The following ANO10 variants were observed in gnomAD, a reference collection of about 807,000 sequenced individuals.
The protein encoded by ANO10 is anoctamin-10.
In ANO10, 77 loss-of-function variants were observed where a neutral mutation model predicts 74.7. The observed-to-expected ratio is 1.03, with a 90% CI of 0.86 to 1.25. The LOEUF is 1.25. Ranked by LOEUF, ANO10 falls within the 50% of genes most tolerant of loss-of-function variation. The probability of loss-of-function intolerance (pLI) is 0.00; values close to 1 mark genes in which losing one functional copy is unlikely to be tolerated. For missense variants in ANO10, 721 were observed against 778.1 expected, an observed-to-expected ratio of 0.93 and a Z score of 0.87; for synonymous variants, 279 against 284.9, an observed-to-expected ratio of 0.98 and a Z score of 0.21.
At chr3:43,465,835 T>C (rs2149039245) in intron 11 of ANO10, among the ~76,000 whole-genome samples, 1 of 152,232 alleles carries the variant, frequency 6.6e-6, no homozygotes, top group South Asian at 2.1e-4. Context: ...TGTGAAAAAT[T>C]AAAGAGGACC....
At chr3:43,602,155 C>A (rs996899253) in intron 2 of ANO10, among the ~76,000 whole-genome samples, 3 of 152,164 alleles carry the variant, frequency 2.0e-5, no homozygotes, top group Admixed American at 6.5e-5. Flanking sequence ...AGTCTGAAGG[C>A]TCTCTAGACC....
rs116839096 is a variant in ANO10, at chr3:43,399,691, T to C, written c.1915-32717A>G. ...TACGTAGACTGCATATAACAGTCAA[T>C]GTTTGTATTTAGGGCATATGAGCAA... On this transcript the variant is annotated intron_variant, in intron 12 of 12. Coordinates refer to ENST00000292246, the MANE Select transcript of ANO10 (RefSeq NM_018075.5). Among the ~76,000 whole-genome samples, 669 of 152,246 alleles carry C rather than the reference T, an allele frequency of 4.4e-3. 4 individuals carry two copies. Among genetic ancestry groups the C allele is most frequent in the African/African-American group, 0.016 (647 of 41,560 alleles).
At chr3:43,498,962 G>A (rs2077006558) in intron 11 of ANO10, among the ~76,000 whole-genome samples, 1 of 152,174 alleles carries the variant, frequency 6.6e-6, no homozygotes, top group African/African-American at 2.4e-5. Context: ...TGGTGCTTGG[G>A]CACTGGGGGT....
At chr3:43,656,805 C>T (rs867078543) in intron 1 of ANO10, among the ~76,000 whole-genome samples, 1 of 152,250 alleles carries the variant, frequency 6.6e-6, no homozygotes, top group Non-Finnish European at 1.5e-5. Flanking sequence ...GCTCGCGCCT[C>T]TCCCTCCACA....
chr3:43,576,905 C>T lies in ANO10; in HGVS notation c.949G>A (p.Val317Ile), dbSNP rs2081028201. The change falls in exon 6 of 13, where the codon GTC becomes ATC. Residue 317 changes from valine (V) to isoleucine (I), a missense_variant. Val to Ile is a conservative substitution (Grantham distance 29). Transcript: ENST00000292246. ...CAGAGGCACACGAATGGCAGGGAGA[C>T]CAGGTAAATGCGCAACTGTCTCTTG... The part of the protein sequence containing the change: ...SYKRQLRIYL[V>I]SLPFVCLCLY... The T allele has an allele frequency of 1.9e-6, 3 of 1,614,066 alleles. No homozygotes were observed. The highest frequency in any genetic ancestry group is 2.5e-6 in the Non-Finnish European group (3 of 1,180,002).
chr3:43,388,833 T>C (rs749515342), intron 12 of ANO10, among the ~76,000 whole-genome samples: 2 of 152,218 alleles, frequency 1.3e-5, no homozygotes, highest in African/African-American at 2.4e-5. Context: ...GTAAAACACA[T>C]TTCACAAAAT....
intron 12 of ANO10, among the ~76,000 whole-genome samples, chr3:43,382,506 G>A (rs1403987703): frequency 1.4e-4 from 21 of 145,016 alleles, no homozygotes; most frequent in African/African-American, 4.5e-4. Context: ...GCGACAGAGC[G>A]AGACTCCGTC....
chr3:43,606,669 AGAAAAC>A (rs1455876416), intron 1 of ANO10, among the ~76,000 whole-genome samples: 1 of 152,108 alleles, frequency 6.6e-6, no homozygotes, highest in Non-Finnish European at 1.5e-5. Context: ...AGACAGAAAA[AGAAAAC>A]TGTTAGTGGG....
intron 12 of ANO10, among the ~76,000 whole-genome samples, chr3:43,400,898 G>C (rs1300280591): frequency 1.3e-5 from 2 of 152,210 alleles, no homozygotes; most frequent in East Asian, 3.9e-4. Context: ...ATAAGCCACA[G>C]GTCAAGTAGG....
chr3:43,438,292 A>C (rs2093104265), intron 11 of ANO10, among the ~76,000 whole-genome samples: 1 of 152,036 alleles, frequency 6.6e-6, no homozygotes, highest in Non-Finnish European at 1.5e-5. Context: ...AAAAATAAAA[A>C]ACTTAGCTGG....
chr3:43,453,866 T>C (rs980677723), intron 11 of ANO10, among the ~76,000 whole-genome samples: 2 of 152,262 alleles, frequency 1.3e-5, no homozygotes, highest in African/African-American at 2.4e-5. Context: ...TCTGCTTATA[T>C]GCATTCATTC....
intron 1 of ANO10, among the ~76,000 whole-genome samples, chr3:43,611,178 A>G (rs1259893170): frequency 6.6e-6 from 1 of 152,206 alleles, no homozygotes; most frequent in African/African-American, 2.4e-5. Context: ...CTCCAGATCA[A>G]GGCTTTTAAG....
At chr3:43,614,924 A>G (rs1034015278) in intron 1 of ANO10, among the ~76,000 whole-genome samples, 6 of 150,670 alleles carry the variant, frequency 4.0e-5, no homozygotes, top group Non-Finnish European at 8.9e-5. Flanking sequence ...TAATATTTCA[A>G]TGTCCATCAA....
chr3:43,479,006 T>C (rs1423653711), intron 11 of ANO10, among the ~76,000 whole-genome samples: 3 of 152,224 alleles, frequency 2.0e-5, no homozygotes, highest in Non-Finnish European at 4.4e-5. Flanking sequence ...AAACTATCCT[T>C]GAGGACATAG....
chr3:43,402,570 G>A (rs2092501988), intron 12 of ANO10, among the ~76,000 whole-genome samples: 1 of 152,100 alleles, frequency 6.6e-6, no homozygotes, highest in African/African-American at 2.4e-5. Flanking sequence ...TTACCCCTGT[G>A]TGCTGTAGAA....
chr3:43,577,544 C>T (rs1332742447), intron 5 of ANO10, among the ~76,000 whole-genome samples: 2 of 152,106 alleles, frequency 1.3e-5, no homozygotes, highest in African/African-American at 4.8e-5. Context: ...TACCTTCTTC[C>T]CAAAGGAAAA....
chr3:43,382,257 C>T lies in ANO10; in HGVS notation c.1915-15283G>A, dbSNP rs569099499. 1.2e-4 allele frequency among the ~76,000 whole-genome samples: 19 copies of T among 152,220 alleles called. No individual in the cohort carries two copies. The South Asian group carries it at 3.1e-3, about 25-fold the overall frequency. ...AGATCAGGCCGGGCGCGGTGGCTCA[C>T]GCCTGTAATCCCAGCACTTTGGGAG... On this transcript the variant is annotated intron_variant, in intron 12 of 12. Transcript: ENST00000292246.
At chr3:43,527,852 A>C (rs528179764) in intron 11 of ANO10, among the ~76,000 whole-genome samples, 78 of 152,308 alleles carry the variant, frequency 5.1e-4, no homozygotes, top group African/African-American at 1.8e-3. Flanking sequence ...CTAGAGAATC[A>C]AAAGGATAGT....
At chr3:43,395,653 T>A (rs761011887) in intron 12 of ANO10, among the ~76,000 whole-genome samples, 1 of 152,188 alleles carries the variant, frequency 6.6e-6, no homozygotes, top group Non-Finnish European at 1.5e-5. Context: ...TTCCCCCCTG[T>A]ATAATAAGCT....
Sources: allele counts gnomAD v4.1 joint callset (sites outside exome capture counted in the v4.1 genomes callset), GRCh38; gene constraint gnomAD v4.1.1; transcripts MANE v1.5; gene names NCBI Gene and HGNC (gene_info 2026-07-23, HGNC 2026-07-21).